CLYBL: variants seen among roughly 807,000 people sequenced by gnomAD.
CLYBL encodes citramalyl-CoA lyase, mitochondrial.
In CLYBL, 31 loss-of-function variants were observed where a neutral mutation model predicts 38.9. That is an observed-to-expected ratio of 0.80 (90% CI 0.60 to 1.08). CLYBL has a LOEUF of 1.08. CLYBL is among the 50% of genes least tolerant of loss of function. The pLI, the probability that CLYBL is intolerant of heterozygous loss-of-function variation, is 0.00. For synonymous variants in CLYBL, 171 were observed against 158.6 expected (o/e 1.08, Z -0.59); for missense variants, 434 against 411.6 (o/e 1.05, Z -0.47).
intron 1 of CLYBL, among the ~76,000 whole-genome samples, chr13:99,754,246 C>A (rs2049011588): frequency 1.3e-5 from 2 of 151,300 alleles, no homozygotes; most frequent in Non-Finnish European, 2.9e-5. Flanking sequence ...CCCATTTCTA[C>A]AAAAAGTACA....
chr13:99,663,658 A>G (rs778319206), intron 1 of CLYBL, among the ~76,000 whole-genome samples: 3 of 152,154 alleles, frequency 2.0e-5, no homozygotes, highest in East Asian at 3.9e-4. Context: ...TGTCTGCATG[A>G]CTTGGGGACA....
intron 1 of CLYBL, among the ~76,000 whole-genome samples, chr13:99,623,699 C>A (rs536968691): frequency 6.6e-6 from 1 of 152,106 alleles, no homozygotes; most frequent in Admixed American, 6.5e-5. Flanking sequence ...CTGTGGCTCA[C>A]GCCTGTAATT....
At chr13:99,864,970 T>C (rs2051705513) in intron 5 of CLYBL, 59 bp downstream of exon 5, 4 of 1,237,244 alleles carry the variant, frequency 3.2e-6, no homozygotes, top group Non-Finnish European at 4.8e-6. Flanking sequence ...TGTGTGTATA[T>C]ATTTTTTCTT....
intron 1 of CLYBL, among the ~76,000 whole-genome samples, chr13:99,694,691 A>C (rs181901977): frequency 1.3e-5 from 2 of 152,246 alleles, no homozygotes; most frequent in Admixed American, 1.3e-4. Flanking sequence ...GCTTTCTGAG[A>C]TCTGTGTGTC....
intron 1 of CLYBL, among the ~76,000 whole-genome samples, chr13:99,644,004 CAAAAAAAAA>C (rs71118498): frequency 9.0e-5 from 8 of 89,126 alleles, no homozygotes; most frequent in Non-Finnish European, 1.5e-4. Flanking sequence ...GACTCTGTCT[CAAAAAAAAA>C]AAAAAAAAAA....
intron 2 of CLYBL, among the ~76,000 whole-genome samples, chr13:99,811,172 G>A (rs900613799): frequency 6.6e-6 from 1 of 152,166 alleles, no homozygotes; most frequent in Non-Finnish European, 1.5e-5. Context: ...CCCTCCTGGT[G>A]ACAGTCCAGA....
chr13:99,784,015 T>C (rs2049723101), intron 2 of CLYBL: 1 of 152,236 alleles, frequency 6.6e-6, no homozygotes, highest in Non-Finnish European at 1.5e-5. Flanking sequence ...TTCTGCTGAC[T>C]CTTACTTATG....
intron 2 of CLYBL, among the ~76,000 whole-genome samples, chr13:99,821,228 G>T (rs986385906): frequency 2.6e-5 from 4 of 151,922 alleles, no homozygotes; most frequent in African/African-American, 7.3e-5. Context: ...ACCATTTTCA[G>T]GAATGGGTTA....
chr13:99,622,168 T>A (rs1327459918), intron 1 of CLYBL, among the ~76,000 whole-genome samples: 2 of 152,244 alleles, frequency 1.3e-5, no homozygotes, highest in Non-Finnish European at 2.9e-5. Flanking sequence ...CCCTTGTGAT[T>A]ACGTTGGCCC....
At chr13:99,842,407 A>C (rs917844937) in intron 2 of CLYBL, among the ~76,000 whole-genome samples, 14 of 152,102 alleles carry the variant, frequency 9.2e-5, no homozygotes, top group African/African-American at 3.1e-4. Flanking sequence ...TCAAATGTAC[A>C]TTTTGGGTAG....
Position 99,873,048 on chromosome 13 carries a change from G to C in CLYBL, c.927+1986G>C, listed in dbSNP as rs74113537. Among the ~76,000 whole-genome samples the C allele has an allele frequency of 7.2e-4, 110 of 152,148 alleles. 1 individual carries two copies. Among genetic ancestry groups the C allele is most frequent in the African/African-American group, 2.5e-3 (105 of 41,520 alleles). On this transcript the variant is annotated intron_variant, in intron 7 of 8. Transcript: ENST00000339105. ...ACACAGAACCATAGAAATTAGAGCA[G>C]AGGGGAGACTAACTATTAGGTAATT...
At chr13:99,863,233 A>T (rs532819395) in intron 4 of CLYBL, 141 bp downstream of exon 4, 3 of 485,712 alleles carry the variant, frequency 6.2e-6, no homozygotes, top group East Asian at 3.4e-5. Context: ...ACCATTTGTT[A>T]TCTGTAATAG....
In CLYBL at chr13:99,869,561, T is replaced by C. The variant is rs1052464617; in HGVS notation, c.803-1377T>C. Among the ~76,000 whole-genome samples the C allele has an allele frequency of 1.1e-4, 16 of 152,206 alleles. No homozygotes were observed. The highest frequency in any genetic ancestry group is 3.9e-4 in the African/African-American group (16 of 41,476). On this transcript the variant is annotated intron_variant, in intron 6 of 8. Coordinates refer to ENST00000339105, the MANE Select transcript of CLYBL (RefSeq NM_206808.5). The surrounding 1 kb of genome is among the most constrained non-coding windows in gnomAD (Gnocchi z 4.3). ...AGTGTTTAACATTTTATTAGTATGC[T>C]GACAGAAAAGAATGAAATAGCAATG... is the stretch of plus-strand genomic sequence containing the variant.
intron 2 of CLYBL, among the ~76,000 whole-genome samples, chr13:99,845,846 C>G (rs1403497635): frequency 2.0e-5 from 3 of 152,136 alleles, no homozygotes; most frequent in Non-Finnish European, 4.4e-5. Context: ...CGTCCTTCTT[C>G]TCCTTCGTTT....
intron 1 of CLYBL, among the ~76,000 whole-genome samples, chr13:99,673,015 G>T (rs2047589817): frequency 6.6e-6 from 1 of 152,074 alleles, no homozygotes; most frequent in African/African-American, 2.4e-5. Context: ...ACCAAAATCT[G>T]CCCCCCTAGA....
At chr13:99,652,271 G>A (rs935954785) in intron 1 of CLYBL, among the ~76,000 whole-genome samples, 4 of 152,160 alleles carry the variant, frequency 2.6e-5, no homozygotes, top group Non-Finnish European at 4.4e-5. Flanking sequence ...GTTCCTCAGG[G>A]GGTGAAGTGT....
At chr13:99,622,045 C>T (rs1345841664) in intron 1 of CLYBL, among the ~76,000 whole-genome samples, 1 of 152,180 alleles carries the variant, frequency 6.6e-6, no homozygotes, top group Non-Finnish European at 1.5e-5. Context: ...CATTCTTTGG[C>T]TCATGGCTCC....
chr13:99,610,053 C>T (rs35252192), intron 1 of CLYBL, among the ~76,000 whole-genome samples: 9,466 of 152,286 alleles, frequency 0.062, 401 homozygotes, highest in Middle Eastern at 0.099. Context: ...CAGGCACACA[C>T]CACTATGCCC....
intron 1 of CLYBL, among the ~76,000 whole-genome samples, chr13:99,640,426 T>C (rs1200096439): frequency 6.6e-6 from 1 of 152,260 alleles, no homozygotes; most frequent in Non-Finnish European, 1.5e-5. Context: ...TATTTAAATC[T>C]ATATTTACTA....
Sources: allele counts gnomAD v4.1 joint callset (sites outside exome capture counted in the v4.1 genomes callset), GRCh38; gene constraint gnomAD v4.1.1; non-coding constraint Gnocchi (gnomAD v3.1); transcripts MANE v1.5; gene names NCBI Gene and HGNC (gene_info 2026-07-23, HGNC 2026-07-21).